Variants in ATXN1 observed in about 807,000 individuals in gnomAD.
ATXN1 encodes ataxin-1.
ATXN1 carries 8 observed loss-of-function variants against 56.4 expected under a neutral mutation model. The ratio of observed to expected loss-of-function variants is 0.14; its 90% CI spans 0.08 to 0.26. ATXN1 has a LOEUF of 0.26. Among genes scored for constraint, ATXN1 ranks in the 10% least tolerant of loss-of-function variants. The probability of loss-of-function intolerance (pLI) is 1.00; values close to 1 mark genes in which losing one functional copy is unlikely to be tolerated. For synonymous variants in ATXN1, 514 were observed against 494.6 expected (o/e 1.04, Z -0.52); for missense variants, 987 against 1,106.5 (o/e 0.89, Z 1.53).
At chr6:16,496,377 C>T (rs188191707) in intron 5 of ATXN1, among the ~76,000 whole-genome samples, 35 of 152,172 alleles carry the variant, frequency 2.3e-4, no homozygotes, top group Admixed American at 1.2e-3. Context: ...TACGCAGGGC[C>T]GGGTAAGTAA....
intron 6 of ATXN1, among the ~76,000 whole-genome samples, chr6:16,443,973 A>G (rs181366307): frequency 8.2e-4 from 124 of 152,144 alleles, no homozygotes; most frequent in African/African-American, 2.4e-3. Flanking sequence ...AAGATTAGCC[A>G]GGCGTGGTGG....
At chr6:16,502,180 A>G (rs1319449737) in intron 5 of ATXN1, among the ~76,000 whole-genome samples, 1 of 152,222 alleles carries the variant, frequency 6.6e-6, no homozygotes, top group African/African-American at 2.4e-5. Context: ...TTTACTCTTC[A>G]AAATCATTCT....
chr6:16,428,940 G>A (rs1759218211), intron 6 of ATXN1, among the ~76,000 whole-genome samples: 1 of 152,136 alleles, frequency 6.6e-6, no homozygotes. Context: ...GACGGGCTGG[G>A]TCAGATGGAG....
At chr6:16,356,357 T>C (rs1271581449) in intron 6 of ATXN1, among the ~76,000 whole-genome samples, 1 of 152,216 alleles carries the variant, frequency 6.6e-6, no homozygotes, top group Non-Finnish European at 1.5e-5. Context: ...TCCACTGCTG[T>C]CTCACACTGA....
chr6:16,514,422 G>A (rs1177670686), intron 5 of ATXN1, among the ~76,000 whole-genome samples: 1 of 152,134 alleles, frequency 6.6e-6, no homozygotes, highest in Non-Finnish European at 1.5e-5. Context: ...AGTTCTCATG[G>A]GTGGATGGTG....
At chr6:16,613,974 A>G (rs1432999789) in intron 3 of ATXN1, among the ~76,000 whole-genome samples, 1 of 151,824 alleles carries the variant, frequency 6.6e-6, no homozygotes, top group Non-Finnish European at 1.5e-5. Flanking sequence ...TAATATAACA[A>G]CCAAAAAATG....
At chr6:16,677,593 GC>G (rs1355059821) in intron 2 of ATXN1, among the ~76,000 whole-genome samples, 1 of 151,964 alleles carries the variant, frequency 6.6e-6, no homozygotes, top group African/African-American at 2.4e-5. Flanking sequence ...CATCTGTTTT[GC>G]CTGTATCTTG....
At chr6:16,638,211 G>C (rs753856877) in intron 3 of ATXN1, among the ~76,000 whole-genome samples, 1 of 151,984 alleles carries the variant, frequency 6.6e-6, no homozygotes, top group Non-Finnish European at 1.5e-5. Context: ...TTGGGAGGCT[G>C]AAGTGGAGGA....
At chr6:16,440,648 A>AAAAAAAAAGAAAGAAAG (rs748929817) in intron 6 of ATXN1, among the ~76,000 whole-genome samples, 2 of 118,548 alleles carry the variant, frequency 1.7e-5, no homozygotes, top group Non-Finnish European at 3.3e-5. Context: ...CTTAAAAAAA[A>AAAAAAAAAGAAAGAAAG]AAAAGAAAAG....
At chr6:16,588,249 G>A (rs187398691) in intron 3 of ATXN1, among the ~76,000 whole-genome samples, 31 of 152,206 alleles carry the variant, frequency 2.0e-4, no homozygotes, top group Admixed American at 2.0e-3. Context: ...CGTCCACCCT[G>A]CCACCCTACT....
chr6:16,526,780 A>AG (rs1302569408), intron 4 of ATXN1, among the ~76,000 whole-genome samples: 1 of 151,642 alleles, frequency 6.6e-6, no homozygotes, highest in Non-Finnish European at 1.5e-5. Context: ...AAAAAAAAAA[A>AG]AGAATATTCA....
intron 6 of ATXN1, among the ~76,000 whole-genome samples, chr6:16,417,156 C>G (rs2113559770): frequency 6.6e-6 from 1 of 152,250 alleles, no homozygotes; most frequent in Middle Eastern, 3.4e-3. Context: ...CTCAGCTTCC[C>G]CAGTACCTGG....
At chr6:16,401,296 A>G (rs1758564610) in intron 6 of ATXN1, among the ~76,000 whole-genome samples, 1 of 152,184 alleles carries the variant, frequency 6.6e-6, no homozygotes, top group Non-Finnish European at 1.5e-5. Context: ...TAAAAGATTC[A>G]ATGTGCCAAG....
Position 16,494,722 on chromosome 6 carries a change from T to C in ATXN1, c.-298-8613A>G, listed in dbSNP as rs138940819. On this transcript the variant is annotated intron_variant, in intron 5 of 7. Coordinates refer to ENST00000436367, the MANE Select transcript of ATXN1 (RefSeq NM_001128164.2). ...GAAAATAAAATGTAAGTTGAACATA[T>C]AGATGATAAATACCCAATCTGTGCT... is the stretch of plus-strand genomic sequence containing the variant. 1.4e-3 allele frequency among the ~76,000 whole-genome samples: 216 copies of C among 152,318 alleles called. 1 individual carries two copies. The highest frequency in any genetic ancestry group is 4.8e-3 in the African/African-American group (200 of 41,556).
At chr6:16,395,270 C>CCAAAAAAAAAAAA (rs1758429324) in intron 6 of ATXN1, among the ~76,000 whole-genome samples, 2 of 48,456 alleles carry the variant, frequency 4.1e-5, no homozygotes, top group Admixed American at 2.2e-4. Flanking sequence ...AACTCCGTCT[C>CCAAAAAAAAAAAA]AAAAAAAAAA....
At chr6:16,382,502 T>A (rs1259404469) in intron 6 of ATXN1, among the ~76,000 whole-genome samples, 2 of 152,134 alleles carry the variant, frequency 1.3e-5, no homozygotes, top group Non-Finnish European at 2.9e-5. Flanking sequence ...AGGTTTTGCT[T>A]TTTTAGAAAT....
At chr6:16,613,295 A>AAAT (rs1164281280) in intron 3 of ATXN1, among the ~76,000 whole-genome samples, 1 of 149,190 alleles carries the variant, frequency 6.7e-6, no homozygotes, top group African/African-American at 2.5e-5. Context: ...AAAAAAAAAA[A>AAAT]TTATTTTAAA....
At chr6:16,340,258 A>G (rs1464431549) in intron 6 of ATXN1, among the ~76,000 whole-genome samples, 1 of 152,246 alleles carries the variant, frequency 6.6e-6, no homozygotes, top group Admixed American at 6.5e-5. Flanking sequence ...TTCCAACCTC[A>G]GAGGAACTAA....
intron 6 of ATXN1, among the ~76,000 whole-genome samples, chr6:16,454,871 C>T (rs1003627372): frequency 6.6e-6 from 1 of 152,134 alleles, no homozygotes; most frequent in Non-Finnish European, 1.5e-5. Context: ...AGAAAAAGAA[C>T]TAAAAGCTGT....
Sources: allele counts gnomAD v4.1 joint callset (sites outside exome capture counted in the v4.1 genomes callset), GRCh38; gene constraint gnomAD v4.1.1; transcripts MANE v1.5; gene names NCBI Gene and HGNC (gene_info 2026-07-23, HGNC 2026-07-21).